Variants in PPARGC1A observed in about 807,000 individuals in gnomAD.
The protein encoded by PPARGC1A is PPARG coactivator 1 alpha.
In PPARGC1A, 25 loss-of-function variants were observed where a neutral mutation model predicts 88.7. The ratio of observed to expected loss-of-function variants is 0.28; its 90% CI spans 0.21 to 0.39. The LOEUF is 0.39. Ranked by LOEUF, PPARGC1A falls within the 10% of genes least tolerant of loss-of-function variation. The pLI, the probability that PPARGC1A is intolerant of heterozygous loss-of-function variation, is 1.00. For missense variants in PPARGC1A, 880 were observed against 968.7 expected, an observed-to-expected ratio of 0.91 and a Z score of 1.22; for synonymous variants, 363 against 355.6, an observed-to-expected ratio of 1.02 and a Z score of -0.24.
At chr4:23,939,852 A>G in the PPARGC1A span, among the ~76,000 whole-genome samples, 1 of 152,170 alleles carries the variant, frequency 6.6e-6, no homozygotes, top group Non-Finnish European at 1.5e-5. Context: ...AGAAAAGAAC[A>G]TAATAAGAAC....
chr4:24,312,678 G>A, the PPARGC1A span, among the ~76,000 whole-genome samples: 1 of 147,470 alleles, frequency 6.8e-6, no homozygotes, highest in Non-Finnish European at 1.5e-5. Context: ...TCACTGTCAT[G>A]TTCTCTCTCT....
the PPARGC1A span, among the ~76,000 whole-genome samples, chr4:24,403,136 C>T: frequency 6.6e-6 from 1 of 152,208 alleles, no homozygotes; most frequent in South Asian, 2.1e-4. Context: ...CCTAGCCTAT[C>T]TGGCTCCCAA....
chr4:24,228,178 G>GTT, the PPARGC1A span, among the ~76,000 whole-genome samples: 44 of 152,220 alleles, frequency 2.9e-4, no homozygotes, highest in African/African-American at 1.1e-3. Context: ...ACAGTGATGG[G>GTT]CCATTTGCTT....
chr4:24,213,182 T>C, the PPARGC1A span, among the ~76,000 whole-genome samples: 2 of 149,458 alleles, frequency 1.3e-5, no homozygotes, highest in Non-Finnish European at 3.0e-5. Flanking sequence ...TTTTTTTTTT[T>C]TTGAGACAGA....
the PPARGC1A span, among the ~76,000 whole-genome samples, chr4:24,471,313 C>G: frequency 2.0e-5 from 3 of 151,706 alleles, no homozygotes; most frequent in African/African-American, 7.3e-5. The surrounding 1 kb of genome is among the most constrained non-coding windows in gnomAD (Gnocchi z 5.4). Flanking sequence ...CGCGAGCGCG[C>G]GCGCACACCC....
At chr4:24,042,318 T>C in the PPARGC1A span, among the ~76,000 whole-genome samples, 2 of 152,188 alleles carry the variant, frequency 1.3e-5, no homozygotes, top group Non-Finnish European at 2.9e-5. Flanking sequence ...TGGATTGTGA[T>C]GCAACACAAA....
the PPARGC1A span, among the ~76,000 whole-genome samples, chr4:24,199,044 TC>T: frequency 6.6e-6 from 1 of 152,158 alleles, no homozygotes; most frequent in Admixed American, 6.5e-5. Flanking sequence ...CTTCCTTCTT[TC>T]CCTGCTGTTT....
the PPARGC1A span, among the ~76,000 whole-genome samples, chr4:24,052,173 A>C: frequency 3.3e-5 from 5 of 152,172 alleles, no homozygotes; most frequent in Non-Finnish European, 7.3e-5. Context: ...AAGGGAGGAA[A>C]ATGTGTCAGT....
the PPARGC1A span, among the ~76,000 whole-genome samples, chr4:24,401,604 C>T: frequency 6.6e-6 from 1 of 152,184 alleles, no homozygotes; most frequent in Non-Finnish European, 1.5e-5. Context: ...TCCCTCTTAT[C>T]TCATCCAATC....
chr4:24,134,635 C>G, the PPARGC1A span, among the ~76,000 whole-genome samples: 1 of 152,172 alleles, frequency 6.6e-6, no homozygotes, highest in Non-Finnish European at 1.5e-5. Flanking sequence ...TTTCTAATTG[C>G]TAAATTTAAC....
chr4:24,042,175 AC>A, the PPARGC1A span, among the ~76,000 whole-genome samples: 1 of 152,298 alleles, frequency 6.6e-6, no homozygotes, highest in East Asian at 1.9e-4. Flanking sequence ...TCTACTGTCT[AC>A]CAGCCCCGCT....
chr4:24,285,527 C>G, the PPARGC1A span, among the ~76,000 whole-genome samples: 2 of 152,106 alleles, frequency 1.3e-5, no homozygotes, highest in Non-Finnish European at 2.9e-5. Flanking sequence ...CTTACTATGG[C>G]GAGTGTTGTC....
At chr4:24,390,927 T>C in the PPARGC1A span, among the ~76,000 whole-genome samples, 6 of 152,076 alleles carry the variant, frequency 3.9e-5, no homozygotes, top group Middle Eastern at 3.2e-3. Context: ...TGCCTTAAAA[T>C]ATCAGAGGAA....
At chr4:23,887,115 C>T (rs541025864) in intron 1 of PPARGC1A, among the ~76,000 whole-genome samples, 2 of 152,130 alleles carry the variant, frequency 1.3e-5, no homozygotes, top group Non-Finnish European at 2.9e-5. Context: ...CTTTTGAAAA[C>T]CATTGAAAAG....
the PPARGC1A span, among the ~76,000 whole-genome samples, chr4:24,071,685 T>G: frequency 6.6e-6 from 1 of 152,114 alleles, no homozygotes; most frequent in Non-Finnish European, 1.5e-5. Context: ...AGGATGTGCC[T>G]GAATTGTGCC....
chr4:23,900,635 C>T (rs1719222505), upstream of PPARGC1A, among the ~76,000 whole-genome samples: 1 of 152,196 alleles, frequency 6.6e-6, no homozygotes, highest in Non-Finnish European at 1.5e-5. Flanking sequence ...ACCTGCCTTC[C>T]TCACCTAAGA....
the PPARGC1A span, among the ~76,000 whole-genome samples, chr4:24,210,172 C>G: frequency 1.3e-5 from 2 of 152,152 alleles, no homozygotes; most frequent in Admixed American, 1.3e-4. Flanking sequence ...TGAGTGTCAT[C>G]ATCTGCAATC....
At chr4:23,970,416 G>A in the PPARGC1A span, among the ~76,000 whole-genome samples, 2 of 152,150 alleles carry the variant, frequency 1.3e-5, no homozygotes, top group Non-Finnish European at 2.9e-5. Flanking sequence ...CTGCTATTTT[G>A]CAACTTAGCA....
At chr4:24,300,899 G>C in the PPARGC1A span, among the ~76,000 whole-genome samples, 1 of 152,084 alleles carries the variant, frequency 6.6e-6, no homozygotes. Flanking sequence ...TAGGAACAGT[G>C]GCTGGAGATT....
Sources: allele counts gnomAD v4.1 joint callset (sites outside exome capture counted in the v4.1 genomes callset), GRCh38; gene constraint gnomAD v4.1.1; non-coding constraint Gnocchi (gnomAD v3.1); transcripts MANE v1.5; gene names NCBI Gene and HGNC (gene_info 2026-07-23, HGNC 2026-07-21).